Variants in NAALADL2 observed in about 807,000 individuals in gnomAD.
NAALADL2 encodes N-acetylated alpha-linked acidic dipeptidase like 2.
NAALADL2 carries 76 observed loss-of-function variants against 87.2 expected under a neutral mutation model. That is an observed-to-expected ratio of 0.87 (90% CI 0.72 to 1.05). NAALADL2 has a LOEUF of 1.05. NAALADL2 is among the 50% of genes least tolerant of loss of function. NAALADL2 has a pLI of 0.00. For missense variants in NAALADL2, 1,089 were observed against 945.8 expected (o/e 1.15, Z -1.99); for synonymous variants, 354 against 331.0 (o/e 1.07, Z -0.75).
chr3:174,689,645 A>G (rs1482444673), intron 2 of NAALADL2, among the ~76,000 whole-genome samples: 5 of 151,898 alleles, frequency 3.3e-5, no homozygotes, highest in African/African-American at 9.7e-5. Context: ...TTAGTCATGA[A>G]CCTCTTGAGT....
At chr3:175,071,844 T>C (rs1239878896) in intron 1 of NAALADL2, among the ~76,000 whole-genome samples, 1 of 152,022 alleles carries the variant, frequency 6.6e-6, no homozygotes, top group East Asian at 1.9e-4. Context: ...AATAACTAGT[T>C]ATTTAATTCC....
chr3:175,015,402 T>C (rs558101367), intron 1 of NAALADL2, among the ~76,000 whole-genome samples: 2 of 152,256 alleles, frequency 1.3e-5, no homozygotes, highest in East Asian at 3.9e-4. Context: ...GTTCTGCCAT[T>C]AGAGAAGTGC....
chr3:175,157,131 AT>A (rs1278405364), intron 2 of NAALADL2, among the ~76,000 whole-genome samples: 4 of 152,128 alleles, frequency 2.6e-5, no homozygotes, highest in African/African-American at 7.2e-5. Flanking sequence ...CATTAAAATA[AT>A]TTTTTAAGCT....
chr3:175,389,552 C>T (rs1581691997), intron 5 of NAALADL2, among the ~76,000 whole-genome samples: 1 of 152,226 alleles, frequency 6.6e-6, no homozygotes, highest in East Asian at 1.9e-4. Flanking sequence ...ATTGTTAATG[C>T]CCACAGTGAG....
At chr3:175,414,866 A>G (rs1714284344) in intron 5 of NAALADL2, among the ~76,000 whole-genome samples, 1 of 152,188 alleles carries the variant, frequency 6.6e-6, no homozygotes, top group Admixed American at 6.5e-5. Flanking sequence ...CTTTGCAAAG[A>G]CAAAAAGATA....
At chr3:174,905,216 C>A (rs1252173149) in intron 1 of NAALADL2, among the ~76,000 whole-genome samples, 1 of 150,130 alleles carries the variant, frequency 6.7e-6, no homozygotes, top group Non-Finnish European at 1.5e-5. Context: ...CTGACAAGAT[C>A]GAAACCTATT....
intron 5 of NAALADL2, among the ~76,000 whole-genome samples, chr3:175,393,555 G>A (rs114346206): frequency 0.01 from 1,593 of 152,018 alleles, 29 homozygotes; most frequent in African/African-American, 0.036. Context: ...AGATTCATCA[G>A]TTGTTAACAT....
intron 5 of NAALADL2, among the ~76,000 whole-genome samples, chr3:175,370,824 G>A (rs1293715959): frequency 6.6e-6 from 1 of 152,172 alleles, no homozygotes; most frequent in African/African-American, 2.4e-5. Context: ...CAATAAAAGG[G>A]TAATGGAAGT....
At chr3:175,477,136 G>T (rs528121015) in intron 9 of NAALADL2, among the ~76,000 whole-genome samples, 45 of 152,188 alleles carry the variant, frequency 3.0e-4, no homozygotes, top group Non-Finnish European at 5.9e-4. Context: ...TTGAACACTT[G>T]CTGAGAAACA....
At chr3:175,123,428 G>C (rs777369058) in intron 2 of NAALADL2, among the ~76,000 whole-genome samples, 21 of 151,924 alleles carry the variant, frequency 1.4e-4, no homozygotes, top group Non-Finnish European at 2.5e-4. Context: ...ATCCACACTA[G>C]TGCTTGGGTG....
intron 9 of NAALADL2, among the ~76,000 whole-genome samples, chr3:175,519,277 C>A (rs1732303188): frequency 6.6e-6 from 1 of 152,204 alleles, no homozygotes; most frequent in African/African-American, 2.4e-5. Flanking sequence ...GTTCTAGTTT[C>A]TCTTACACAC....
In NAALADL2 at chr3:175,482,404, AGC is replaced by A. The variant is rs1491022805; in HGVS notation, c.1653+10647_1653+10648del. 2.1e-4 allele frequency among the ~76,000 whole-genome samples: 19 copies of A among 91,358 alleles called. No individual in the cohort carries two copies. The East Asian group carries it at 0.018, about 86-fold the overall frequency. 59.9% of individuals were successfully genotyped at this position (91,358 alleles called of 152,430 possible). ...CAGATGTAGAGATTATTTCATCAAA[AGC>A]TTTTTAAGTAACTAAAGCCTTGGTT... On this transcript the variant is annotated intron_variant, in intron 9 of 13. Transcript: ENST00000454872.
At chr3:175,512,832 A>G (rs1042911648) in intron 9 of NAALADL2, among the ~76,000 whole-genome samples, 2 of 152,178 alleles carry the variant, frequency 1.3e-5, no homozygotes, top group African/African-American at 4.8e-5. Flanking sequence ...GGCGGCCAGC[A>G]GAAGCAAACA....
chr3:174,997,336 A>G (rs1029349972), intron 1 of NAALADL2, among the ~76,000 whole-genome samples: 3 of 151,920 alleles, frequency 2.0e-5, no homozygotes, highest in African/African-American at 7.3e-5. Context: ...ACCAACATCT[A>G]TTGTTTTTTG....
At position 174,684,104 on chromosome 3, in the gene NAALADL2, A is replaced by G. The variant is rs866610208; in HGVS notation, c.-114-53537A>G. Among the ~76,000 whole-genome samples, 4 of 152,196 alleles carry G rather than the reference A, an allele frequency of 2.6e-5. No individual in the cohort carries two copies. The Middle Eastern group carries it at 0.01, about 388-fold the overall frequency. ...AGCCAATCTTTTTTGTGTTAAAATC[A>G]CACACCCTCCTTACTTCCTTGTATA... On this transcript the variant is annotated intron_variant, in intron 2 of 3. Coordinates refer to the NAALADL2 transcript ENST00000434257.
intron 1 of NAALADL2, among the ~76,000 whole-genome samples, chr3:174,868,202 T>C (rs907178638): frequency 6.6e-6 from 1 of 152,126 alleles, no homozygotes; most frequent in African/African-American, 2.4e-5. Flanking sequence ...TTTGGATAAA[T>C]TGCATTTGTG....
chr3:175,029,345 G>T (rs933828379), intron 1 of NAALADL2, among the ~76,000 whole-genome samples: 1 of 151,980 alleles, frequency 6.6e-6, no homozygotes, highest in African/African-American at 2.4e-5. Flanking sequence ...TTAGATGTGT[G>T]ATTGTAATTT....
At chr3:174,873,055 G>C (rs1728040017) in intron 1 of NAALADL2, among the ~76,000 whole-genome samples, 1 of 151,966 alleles carries the variant, frequency 6.6e-6, no homozygotes, top group African/African-American at 2.4e-5. Flanking sequence ...AACCTACAAT[G>C]CAGTTAAATC....
At chr3:174,825,247 A>T (rs1721853015) in intron 3 of NAALADL2, among the ~76,000 whole-genome samples, 1 of 152,244 alleles carries the variant, frequency 6.6e-6, no homozygotes, top group Admixed American at 6.5e-5. Context: ...TTCAGTTTGC[A>T]TCTTAAGGCC....
Sources: allele counts gnomAD v4.1 joint callset (sites outside exome capture counted in the v4.1 genomes callset), GRCh38; gene constraint gnomAD v4.1.1; transcripts MANE v1.5; gene names NCBI Gene and HGNC (gene_info 2026-07-23, HGNC 2026-07-21).